Variants in FGF13 observed in about 807,000 individuals in gnomAD.
FGF13 encodes fibroblast growth factor homologous factor 2.
A neutral mutation model predicts 19.5 loss-of-function variants in FGF13; 2 were observed. That is an observed-to-expected ratio of 0.10 (90% confidence interval 0.04 to 0.32). FGF13 has a LOEUF of 0.32. Among genes scored for constraint, FGF13 ranks in the 10% least tolerant of loss-of-function variants. The probability of loss-of-function intolerance (pLI) is 1.00; values close to 1 mark genes in which losing one functional copy is unlikely to be tolerated. For missense variants in FGF13, 113 were observed against 192.7 expected, an observed-to-expected ratio of 0.59 and a Z score of 2.45; for synonymous variants, 72 against 76.9, an observed-to-expected ratio of 0.94 and a Z score of 0.33.
chrX:138,914,932 T>C (rs1233426114), intron 1 of FGF13, among the ~76,000 whole-genome samples: 1 of 111,588 alleles, frequency 9.0e-6, no homozygotes, highest in Admixed American at 9.5e-5. Flanking sequence ...CAATTCTTTA[T>C]GGCAATTATT....
chrX:139,132,689 C>G (rs1417229511), intron 1 of FGF13, among the ~76,000 whole-genome samples: 2 of 112,095 alleles, frequency 1.8e-5, no homozygotes, highest in Non-Finnish European at 3.8e-5. Flanking sequence ...TTTTAAGATT[C>G]TAATCTTGAC....
intron 1 of FGF13, among the ~76,000 whole-genome samples, chrX:138,946,926 T>G (rs964929518): frequency 8.9e-5 from 10 of 112,039 alleles, no homozygotes; most frequent in Non-Finnish European, 1.9e-5. Context: ...AAAGAAACAA[T>G]GAACATAAAT....
At chrX:138,704,852 C>T (rs927509564) in intron 2 of FGF13, among the ~76,000 whole-genome samples, 3 of 112,423 alleles carry the variant, frequency 2.7e-5, no homozygotes, top group African/African-American at 9.7e-5. Flanking sequence ...CTATATTTGA[C>T]AATGCAATAC....
chrX:139,127,811 G>T (rs2083728261), intron 1 of FGF13, among the ~76,000 whole-genome samples: 2 of 111,173 alleles, frequency 1.8e-5, no homozygotes, highest in South Asian at 7.8e-4. Flanking sequence ...CCAATACAAG[G>T]GTTAAGAGTA....
intron 1 of FGF13, among the ~76,000 whole-genome samples, chrX:138,962,693 T>C (rs1222658588): frequency 9.0e-6 from 1 of 111,718 alleles, no homozygotes; most frequent in African/African-American, 3.3e-5. Flanking sequence ...ATGTCATTTG[T>C]AGGGACATGG....
intron 3 of FGF13, among the ~76,000 whole-genome samples, chrX:138,658,882 A>T (rs966532051): frequency 5.3e-5 from 6 of 112,232 alleles, no homozygotes; most frequent in Non-Finnish European, 1.1e-4. Flanking sequence ...AATTTTTTAA[A>T]GTGTAAGTCC....
chrX:138,774,136 C>T (rs184156022), intron 3 of FGF13, among the ~76,000 whole-genome samples: 1 of 111,620 alleles, frequency 9.0e-6, no homozygotes, highest in African/African-American at 3.3e-5. Flanking sequence ...TATTCCTACC[C>T]ATTCTTCACA....
At chrX:139,019,160 T>G (rs1162829051) in intron 1 of FGF13, among the ~76,000 whole-genome samples, 1 of 112,117 alleles carries the variant, frequency 8.9e-6, no homozygotes. Flanking sequence ...AATTTCCCCA[T>G]GGATACACAG....
intron 3 of FGF13, among the ~76,000 whole-genome samples, chrX:138,682,825 T>C (rs774199371): frequency 1.9e-4 from 21 of 112,073 alleles, no homozygotes; most frequent in African/African-American, 6.8e-4. Flanking sequence ...ATAGGAATCT[T>C]CTATCTTCTA....
At chrX:138,772,014 A>ATGTG (rs1249508704) in intron 3 of FGF13, among the ~76,000 whole-genome samples, 1 of 59,792 alleles carries the variant, frequency 1.7e-5, no homozygotes, top group Non-Finnish European at 3.0e-5. Context: ...TAAGATACAT[A>ATGTG]TGTGTATATA....
At chrX:138,768,781 C>A (rs766328463) in intron 3 of FGF13, among the ~76,000 whole-genome samples, 6 of 101,490 alleles carry the variant, frequency 5.9e-5, no homozygotes, top group African/African-American at 2.3e-4. Context: ...AGTCTCTGGG[C>A]CAACAGCCTA....
At chrX:138,774,553 C>A (rs773311113) in intron 3 of FGF13, among the ~76,000 whole-genome samples, 7 of 111,653 alleles carry the variant, frequency 6.3e-5, no homozygotes, top group Admixed American at 1.9e-4. Flanking sequence ...CTCTTACCCA[C>A]CATTCCAAAC....
intron 1 of FGF13, among the ~76,000 whole-genome samples, chrX:138,995,686 A>G (rs187501251): frequency 1.1e-4 from 12 of 112,119 alleles, no homozygotes; most frequent in African/African-American, 3.9e-4. Context: ...TATCTACCAC[A>G]TTTTCTTTAT....
At chrX:138,951,237 T>C (rs1251404894) in intron 1 of FGF13, among the ~76,000 whole-genome samples, 3 of 111,574 alleles carry the variant, frequency 2.7e-5, no homozygotes, top group Non-Finnish European at 5.7e-5. Context: ...CTGATAACAA[T>C]TATCTCATGG....
At chrX:139,097,390 T>C (rs913135928) in intron 1 of FGF13, among the ~76,000 whole-genome samples, 1 of 111,598 alleles carries the variant, frequency 9.0e-6, no homozygotes, top group Non-Finnish European at 1.9e-5. Context: ...AAAGCCATCC[T>C]GGGCCACATG....
At chrX:138,884,295 A>G (rs116125253) in intron 1 of FGF13, among the ~76,000 whole-genome samples, 11,520 of 111,918 alleles carry the variant, frequency 0.1, 1,440 homozygotes, top group African/African-American at 0.35. Flanking sequence ...CATGCCAAAG[A>G]TGGGTAGTGG....
chrX:139,141,645 A>T (rs1255765144), intron 1 of FGF13, among the ~76,000 whole-genome samples: 1 of 111,584 alleles, frequency 9.0e-6, no homozygotes, highest in East Asian at 2.8e-4. Flanking sequence ...ACCCCTCCAC[A>T]TTCTTCCATC....
chrX:139,017,778 T>C (rs1471971075), intron 1 of FGF13, among the ~76,000 whole-genome samples: 1 of 111,391 alleles, frequency 9.0e-6, no homozygotes, highest in African/African-American at 3.3e-5. Context: ...GAGCAACTTC[T>C]TACAAAATTG....
chrX:139,082,798 C>T (rs1299790662), intron 1 of FGF13, among the ~76,000 whole-genome samples: 1 of 111,664 alleles, frequency 9.0e-6, no homozygotes, highest in Non-Finnish European at 1.9e-5. Context: ...TAGGAAATTA[C>T]TACACCTGTT....
Sources: gnomAD v4.1 joint callset for allele counts (sites outside exome capture counted in the v4.1 genomes callset) on GRCh38, gnomAD v4.1.1 for gene constraint, MANE v1.5 for transcripts, NCBI Gene and HGNC (gene_info 2026-07-23, HGNC 2026-07-21) for gene names.